Variants in LEMD3 observed in about 807,000 individuals in gnomAD.
LEMD3 encodes inner nuclear membrane protein Man1.
LEMD3 carries 33 observed loss-of-function variants against 95.2 expected under a neutral mutation model. The observed-to-expected ratio is 0.35, with a 90% CI of 0.26 to 0.46. LEMD3 has a LOEUF of 0.46. Ranked by LOEUF, LEMD3 falls within the 20% of genes least tolerant of loss-of-function variation. The pLI is 1.00. For synonymous variants in LEMD3, 525 were observed against 474.6 expected (o/e 1.11, Z -1.38); for missense variants, 1,210 against 1,192.8 (o/e 1.01, Z -0.21).
chr12:65,214,512 T>A (rs549551486), intron 2 of LEMD3, among the ~76,000 whole-genome samples: 7 of 152,296 alleles, frequency 4.6e-5, no homozygotes, highest in African/African-American at 1.7e-4. Flanking sequence ...CTTGGCACTT[T>A]TGATGAGTTT....
chr12:65,246,475 GATTTAGCA>G lies in LEMD3; in HGVS notation c.*151_*158del. On this transcript the variant is annotated 3_prime_UTR_variant, in exon 13 of 13. Coordinates refer to ENST00000308330, the MANE Select transcript of LEMD3 (RefSeq NM_014319.5). ...TCCAGAAGTCTTAAGGTTCCAAAGG[GATTTAGCA>G]GTGAGGCAGCAATGCTGAGTAGGTA... The G allele has an allele frequency of 1.4e-6, 1 of 690,896 alleles. No homozygotes were observed. The highest frequency in any genetic ancestry group is 2.5e-6 in the Non-Finnish European group (1 of 395,750). 42.8% of individuals were successfully genotyped at this position (690,896 alleles called of 1,614,324 possible). A position where few individuals can be genotyped will look rare whatever the true frequency, so the allele number is the denominator to read the frequency against.
intron 1 of LEMD3, among the ~76,000 whole-genome samples, chr12:65,186,631 CTTT>C (rs36112519): frequency 5.0e-5 from 4 of 80,206 alleles, no homozygotes; most frequent in South Asian, 3.9e-4. Flanking sequence ...GTTTAGATTG[CTTT>C]TTTTTTTTTT....
chr12:65,192,978 C>T lies in LEMD3; in HGVS notation c.1523-17948C>T, dbSNP rs916900532. Among the ~76,000 whole-genome samples the T allele has an allele frequency of 2.0e-5, 3 of 152,252 alleles. No individual in the cohort carries two copies. In the South Asian group the frequency reaches 6.2e-4, roughly 32 times the overall value. On this transcript the variant is annotated intron_variant, in intron 1 of 12. Transcript: ENST00000308330. ...CAGCATGTGCATGTTAGGTAGTCATCGTGAAAGCAAGAATCTTAAGTTAAA... is the reference window on the plus strand; with the variant it reads ...CAGCATGTGCATGTTAGGTAGTCATTGTGAAAGCAAGAATCTTAAGTTAAA...
chr12:65,225,645 A>G (rs1870424578), intron 4 of LEMD3, among the ~76,000 whole-genome samples: 1 of 152,122 alleles, frequency 6.6e-6, no homozygotes, highest in Non-Finnish European at 1.5e-5. Flanking sequence ...CAGTGGCACG[A>G]TCTCAGCTCA....
At chr12:65,182,214 A>G (rs1254500064) in intron 1 of LEMD3, among the ~76,000 whole-genome samples, 1 of 152,146 alleles carries the variant, frequency 6.6e-6, no homozygotes, top group African/African-American at 2.4e-5. Flanking sequence ...ATCGTTAGCT[A>G]CAGGCTTTAT....
At chr12:65,238,425 AGT>A in intron 4 of LEMD3, 75 bp from the exon 5 acceptor site, 1 of 835,706 alleles carries the variant, frequency 1.2e-6, no homozygotes, top group South Asian at 1.4e-5. Flanking sequence ...TGTTATATAG[AGT>A]GTGTTATAAA....
At chr12:65,234,645 G>T (rs1452077743) in intron 4 of LEMD3, among the ~76,000 whole-genome samples, 1 of 152,012 alleles carries the variant, frequency 6.6e-6, no homozygotes, top group Non-Finnish European at 1.5e-5. Flanking sequence ...ATAATGAGTG[G>T]ATGTCAAGTG....
intron 1 of LEMD3, among the ~76,000 whole-genome samples, chr12:65,173,609 G>A (rs1868623003): frequency 6.6e-6 from 1 of 152,168 alleles, no homozygotes; most frequent in Non-Finnish European, 1.5e-5. Context: ...GTGAGACAGT[G>A]TGTTAAACAT....
At chr12:65,243,585 T>C in intron 10 of LEMD3, 116 bp downstream of exon 10, 1 of 736,852 alleles carries the variant, frequency 1.4e-6, no homozygotes, top group Non-Finnish European at 2.5e-6. Context: ...TCTGAATCTC[T>C]ACCACAGAAA....
intron 9 of LEMD3, among the ~76,000 whole-genome samples, chr12:65,241,764 T>C (rs1368919360): frequency 1.3e-5 from 2 of 152,234 alleles, no homozygotes; most frequent in Non-Finnish European, 2.9e-5. Flanking sequence ...ATAGTATTTG[T>C]GGAAAAGGTA....
intron 4 of LEMD3, among the ~76,000 whole-genome samples, chr12:65,237,570 T>C (rs1018905830): frequency 6.6e-6 from 1 of 152,218 alleles, no homozygotes; most frequent in Non-Finnish European, 1.5e-5. Flanking sequence ...CTTTTACCTA[T>C]GCGTGATTGG....
intron 1 of LEMD3, among the ~76,000 whole-genome samples, chr12:65,201,160 G>T (rs919595164): frequency 2.0e-5 from 3 of 151,994 alleles, no homozygotes; most frequent in Non-Finnish European, 4.4e-5. Flanking sequence ...TGATCTTTTT[G>T]TCTGTTCTTT....
chr12:65,213,230 T>G (rs1869998713), intron 2 of LEMD3, among the ~76,000 whole-genome samples: 1 of 152,162 alleles, frequency 6.6e-6, no homozygotes, highest in South Asian at 2.1e-4. Flanking sequence ...TTTGTTTGTT[T>G]GTTTGTTTTT....
Position 65,246,608 on chromosome 12 carries a change from G to A in LEMD3, c.*283G>A, listed in dbSNP as rs1871116120. 2.6e-6 allele frequency: 1 copy of A among 384,662 alleles called. No individual in the cohort carries two copies. The highest frequency in any genetic ancestry group is 2.1e-5 in the African/African-American group (1 of 48,598). The allele number at this position is 384,662 out of a possible 1,614,324, so 23.8% of individuals were successfully genotyped here. On this transcript the variant is annotated 3_prime_UTR_variant, in exon 13 of 13. Transcript: ENST00000308330. ...TTTATTAAGCATTTTCAGATGTGGT[G>A]GTTGTATTTTTGCCCCAAGAAGTGT...
chr12:65,230,057 A>G (rs756446654), intron 4 of LEMD3, among the ~76,000 whole-genome samples: 2 of 152,132 alleles, frequency 1.3e-5, no homozygotes, highest in Non-Finnish European at 2.9e-5. Flanking sequence ...TAGTGAAGAG[A>G]CTGTCCTCTC....
At chr12:65,205,649 T>C (rs2136332879) in intron 1 of LEMD3, among the ~76,000 whole-genome samples, 1 of 152,244 alleles carries the variant, frequency 6.6e-6, no homozygotes, top group Admixed American at 6.5e-5. Flanking sequence ...AATTGGGAGT[T>C]CTGTAGGAGA....
At chr12:65,196,184 G>A (rs1869423096) in intron 1 of LEMD3, among the ~76,000 whole-genome samples, 1 of 151,782 alleles carries the variant, frequency 6.6e-6, no homozygotes, top group African/African-American at 2.4e-5. Flanking sequence ...AGAATAGGCA[G>A]AGGATGGGGT....
chr12:65,214,384 A>G (rs1870037476), intron 2 of LEMD3, among the ~76,000 whole-genome samples: 1 of 152,208 alleles, frequency 6.6e-6, no homozygotes, highest in Non-Finnish European at 1.5e-5. Flanking sequence ...TCTGATTAAG[A>G]TAAAATTGAG....
At chr12:65,217,966 T>C (rs56192436) in intron 3 of LEMD3, among the ~76,000 whole-genome samples, 5,717 of 152,282 alleles carry the variant, frequency 0.038, 352 homozygotes, top group African/African-American at 0.13. Context: ...AACAGATGCA[T>C]ACTACCACAC....
Sources: gnomAD v4.1 joint callset for allele counts (sites outside exome capture counted in the v4.1 genomes callset) on GRCh38, gnomAD v4.1.1 for gene constraint, MANE v1.5 for transcripts, NCBI Gene and HGNC (gene_info 2026-07-23, HGNC 2026-07-21) for gene names.